TMEM135: variants seen among roughly 807,000 people sequenced by gnomAD.
TMEM135 encodes the protein peroxisomal membrane protein 52.
TMEM135 carries 30 observed loss-of-function variants against 60.3 expected under a neutral mutation model. The observed-to-expected ratio is 0.50, with a 90% CI of 0.37 to 0.68. TMEM135 has a LOEUF of 0.68. Ranked by LOEUF, TMEM135 falls within the 30% of genes least tolerant of loss-of-function variation. The pLI is 0.00. For synonymous variants in TMEM135, 190 were observed against 186.7 expected, an observed-to-expected ratio of 1.02 and a Z score of -0.14; for missense variants, 468 against 548.8, an observed-to-expected ratio of 0.85 and a Z score of 1.47.
At chr11:87,240,011 G>T (rs1490736226) in intron 6 of TMEM135, among the ~76,000 whole-genome samples, 5 of 152,004 alleles carry the variant, frequency 3.3e-5, no homozygotes, top group Non-Finnish European at 5.9e-5. Flanking sequence ...TAAGGCTTAC[G>T]TTCAAATGGA....
intron 4 of TMEM135, among the ~76,000 whole-genome samples, chr11:87,114,990 T>C (rs1208658682): frequency 6.6e-6 from 1 of 152,212 alleles, no homozygotes; most frequent in Admixed American, 6.5e-5. Flanking sequence ...GTTACCATTA[T>C]TGATCATCTT....
intron 4 of TMEM135, among the ~76,000 whole-genome samples, chr11:87,113,311 A>G (rs1857800174): frequency 6.6e-6 from 1 of 152,104 alleles, no homozygotes; most frequent in Admixed American, 6.5e-5. Context: ...AAAGGAAGAA[A>G]AATTGAAAAG....
chr11:87,324,312 G>A lies in TMEM135; in HGVS notation c.*2979G>A. The A allele has an allele frequency of 2.2e-6, 1 of 454,004 alleles. No homozygotes were observed. The highest frequency in any genetic ancestry group is 4.4e-6 in the Non-Finnish European group (1 of 226,770). The allele number at this position is 454,004 out of a possible 1,614,324, so 28.1% of individuals were successfully genotyped here. A position where few individuals can be genotyped will look rare whatever the true frequency, so the allele number is the denominator to read the frequency against. ...ACAACCTCTCCCTTGGTGCTAATTAGGAAGCTTCTTGTGGGACTGAAGGGA... is the reference window on the plus strand; with the variant it reads ...ACAACCTCTCCCTTGGTGCTAATTAAGAAGCTTCTTGTGGGACTGAAGGGA... On this transcript the variant is annotated 3_prime_UTR_variant, in exon 15 of 15. Coordinates refer to ENST00000305494, the MANE Select transcript of TMEM135 (RefSeq NM_022918.4).
In TMEM135 at chr11:87,323,475, G is replaced by T. The variant is rs11543040; in HGVS notation, c.*2142G>T. ...TTCTACCTCTAACTAATCAGGTATT[G>T]ATTGACAACTTTTTGGCATTATAAA... On this transcript the variant is annotated 3_prime_UTR_variant, in exon 15 of 15. Coordinates refer to ENST00000305494, the MANE Select transcript of TMEM135 (RefSeq NM_022918.4). 2 of 453,952 alleles carry T rather than the reference G, an allele frequency of 4.4e-6. No individual in the cohort carries two copies. The highest frequency in any genetic ancestry group is 3.1e-5 in the South Asian group (2 of 64,456). 28.1% of individuals were successfully genotyped at this position (453,952 alleles called of 1,614,324 possible). A position where few individuals can be genotyped will look rare whatever the true frequency, so the allele number is the denominator to read the frequency against.
intron 6 of TMEM135, among the ~76,000 whole-genome samples, chr11:87,248,032 A>AAAG (rs1555124055): frequency 0.65 from 97,009 of 148,988 alleles, 32,115 homozygotes; most frequent in Non-Finnish European, 0.7. Context: ...AAAAAAAAAA[A>AAAG]AAAAAGAAAA....
intron 5 of TMEM135, among the ~76,000 whole-genome samples, chr11:87,217,854 G>A (rs1940535989): frequency 6.6e-6 from 1 of 152,072 alleles, no homozygotes; most frequent in South Asian, 2.1e-4. Context: ...CCTATTCTAG[G>A]AGATGTTTAA....
chr11:87,064,308 T>A (rs559803078), intron 1 of TMEM135, among the ~76,000 whole-genome samples: 1 of 151,848 alleles, frequency 6.6e-6, no homozygotes, highest in Non-Finnish European at 1.5e-5. Context: ...AATTTTGAGA[T>A]AATTGTAGAT....
chr11:87,078,129 T>C (rs998877578), intron 3 of TMEM135, among the ~76,000 whole-genome samples: 4 of 152,252 alleles, frequency 2.6e-5, no homozygotes, highest in African/African-American at 9.6e-5. Flanking sequence ...ATATGGCAAC[T>C]CTGTTTAGCT....
intron 2 of TMEM135, among the ~76,000 whole-genome samples, chr11:87,068,914 T>G (rs566137411): frequency 6.6e-6 from 1 of 152,046 alleles, no homozygotes; most frequent in Admixed American, 6.6e-5. Flanking sequence ...ATGCAGAAAA[T>G]AATTGATAAG....
intron 4 of TMEM135, among the ~76,000 whole-genome samples, chr11:87,125,034 G>A (rs1048800916): frequency 2.5e-4 from 38 of 151,688 alleles, no homozygotes; most frequent in African/African-American, 8.2e-4. Context: ...GCCAGGGCAC[G>A]AATGAGGCTC....
chr11:87,276,665 A>ATTTTTT lies in TMEM135; in HGVS notation c.510-19101_510-19096dup, dbSNP rs11340916. Among the ~76,000 whole-genome samples, 403 of 115,566 alleles carry ATTTTTT rather than the reference A, an allele frequency of 3.5e-3. 1 individual carries two copies. The highest frequency in any genetic ancestry group is 5.3e-3 in the Non-Finnish European group (309 of 58,758). The allele number at this position is 115,566 out of a possible 152,430, so 75.8% of individuals were successfully genotyped here. On this transcript the variant is annotated intron_variant, in intron 6 of 14. Transcript: ENST00000305494. ...AAAACTTCTTTTAGTGTGTTTGTGA[A>ATTTTTT]TTTTTTTTTTTTTTTTTTTTTGAGA...
chr11:87,196,513 A>T (rs766184396), intron 5 of TMEM135, among the ~76,000 whole-genome samples: 3 of 152,014 alleles, frequency 2.0e-5, no homozygotes, highest in Non-Finnish European at 2.9e-5. Flanking sequence ...AATTGTTGTC[A>T]TTTTTCTACA....
chr11:87,236,590 G>C (rs1296878899), intron 5 of TMEM135, 48 bp from the exon 6 acceptor site: 3 of 1,548,970 alleles, frequency 1.9e-6, no homozygotes, highest in Non-Finnish European at 2.7e-6. Context: ...CACTCAAATG[G>C]TGATGTCAGT....
In TMEM135 at chr11:87,226,727, G is replaced by T. The variant is rs1215554347; in HGVS notation, c.463-9911G>T. Among the ~76,000 whole-genome samples, 4 of 152,284 alleles carry T rather than the reference G, an allele frequency of 2.6e-5. No individual in the cohort carries two copies. The East Asian group carries it at 5.8e-4, about 22-fold the overall frequency. The stretch of plus-strand genomic sequence containing the variant: ...AAAGGTTAATGTGTTGCCAGACTCT[G>T]TTTAGTGGCCTTGAAGGTATAAATC... On this transcript the variant is annotated intron_variant, in intron 5 of 14. Coordinates refer to ENST00000305494, the MANE Select transcript of TMEM135 (RefSeq NM_022918.4).
intron 6 of TMEM135, among the ~76,000 whole-genome samples, chr11:87,290,936 TA>T (rs1476872493): frequency 6.6e-6 from 1 of 152,182 alleles, no homozygotes; most frequent in African/African-American, 2.4e-5. Context: ...CACTTGAAAA[TA>T]AAAATGAGAC....
At chr11:87,213,729 G>C (rs1167890779) in intron 5 of TMEM135, among the ~76,000 whole-genome samples, 1 of 152,130 alleles carries the variant, frequency 6.6e-6, no homozygotes, top group African/African-American at 2.4e-5. Flanking sequence ...ATGGTAGTAG[G>C]TGTTCAGTTA....
At chr11:87,247,765 T>C (rs1941319717) in intron 6 of TMEM135, among the ~76,000 whole-genome samples, 1 of 152,106 alleles carries the variant, frequency 6.6e-6, no homozygotes, top group South Asian at 2.1e-4. Flanking sequence ...TGTCACCCCT[T>C]TCTTTGACTA....
intron 1 of TMEM135, among the ~76,000 whole-genome samples, chr11:87,043,604 T>C (rs1949769415): frequency 1.3e-5 from 2 of 151,958 alleles, no homozygotes; most frequent in African/African-American, 4.8e-5. Context: ...GCACCTGTAG[T>C]CCCAGCTGCT....
intron 1 of TMEM135, among the ~76,000 whole-genome samples, chr11:87,064,262 CT>C (rs57086268): frequency 0.018 from 2,628 of 142,958 alleles, 28 homozygotes; most frequent in Middle Eastern, 0.033. Flanking sequence ...CGAATGACTC[CT>C]TTTTTTTTTT....
Sources: gnomAD v4.1 joint callset for allele counts (sites outside exome capture counted in the v4.1 genomes callset) on GRCh38, gnomAD v4.1.1 for gene constraint, MANE v1.5 for transcripts, NCBI Gene and HGNC (gene_info 2026-07-23, HGNC 2026-07-21) for gene names.